The following UCK2 variants were observed in gnomAD, a reference collection of about 807,000 sequenced individuals.
UCK2 encodes the protein uridine-cytidine kinase 2.
UCK2 carries 6 observed loss-of-function variants against 30.8 expected under a neutral mutation model. That is an observed-to-expected ratio of 0.19 (90% CI 0.11 to 0.38). UCK2 has a LOEUF of 0.38. Ranked by LOEUF, UCK2 falls within the 10% of genes least tolerant of loss-of-function variation. UCK2 has a pLI of 1.00. For missense variants in UCK2, 210 were observed against 339.8 expected, an observed-to-expected ratio of 0.62 and a Z score of 3.00; for synonymous variants, 125 against 133.6, an observed-to-expected ratio of 0.94 and a Z score of 0.45.
chr1:165,896,045 A>G (rs1647225603), intron 3 of UCK2, 145 bp from the exon 4 acceptor site: 2 of 1,046,100 alleles, frequency 1.9e-6, no homozygotes, highest in East Asian at 2.4e-5. Context: ...CTGTAAGACC[A>G]TATTAGCCAA....
intron 1 of UCK2, among the ~76,000 whole-genome samples, chr1:165,830,758 G>T (rs1654027940): frequency 6.6e-6 from 1 of 152,238 alleles, no homozygotes; most frequent in South Asian, 2.1e-4. Flanking sequence ...CCAAGACTGG[G>T]CCTGGTGGCT....
At chr1:165,867,775 A>G (rs1316952350) in intron 1 of UCK2, among the ~76,000 whole-genome samples, 1 of 152,176 alleles carries the variant, frequency 6.6e-6, no homozygotes, top group Non-Finnish European at 1.5e-5. Flanking sequence ...GAACCCCTCA[A>G]CATCATGCAT....
At chr1:165,906,059 C>T (rs1647648656) in intron 6 of UCK2, 90 bp downstream of exon 6, 1 of 1,247,838 alleles carries the variant, frequency 8.0e-7, no homozygotes, top group Non-Finnish European at 1.2e-6. Flanking sequence ...CTACAGGGCT[C>T]TGCAGACATG....
chr1:165,853,498 A>C (rs1379744642), intron 1 of UCK2, among the ~76,000 whole-genome samples: 1 of 151,750 alleles, frequency 6.6e-6, no homozygotes, highest in Non-Finnish European at 1.5e-5. Flanking sequence ...CCCCGCTCCA[A>C]CCAGGTGTTT....
intron 1 of UCK2, among the ~76,000 whole-genome samples, chr1:165,834,016 T>C (rs953798661): frequency 1.3e-5 from 2 of 152,168 alleles, no homozygotes; most frequent in Non-Finnish European, 2.9e-5. Context: ...TCTTTAATGG[T>C]ATAAAATCTT....
intron 1 of UCK2, among the ~76,000 whole-genome samples, chr1:165,887,658 A>G (rs1178616060): frequency 6.6e-6 from 1 of 152,076 alleles, no homozygotes; most frequent in Non-Finnish European, 1.5e-5. Flanking sequence ...TTATCTTCCT[A>G]CAACCTTAGG....
Position 165,891,427 on chromosome 1 carries a change from C to T in UCK2, c.356+105C>T. 2.1e-6 allele frequency: 2 copies of T among 959,982 alleles called. 1 individual carries two copies. The highest frequency in any genetic ancestry group is 2.9e-5 in the South Asian group (2 of 67,880). 59.5% of individuals were successfully genotyped at this position (959,982 alleles called of 1,614,324 possible). ...TACCTCTCGCACTTCAGACCTCTGT[C>T]CTACCCCTGCCTAATGCCATTCCAG... On this transcript the variant is annotated intron_variant, in intron 3 of 6. Transcript: ENST00000367879.
At chr1:165,861,544 C>T (rs975210273) in intron 1 of UCK2, among the ~76,000 whole-genome samples, 1 of 125,820 alleles carries the variant, frequency 7.9e-6, no homozygotes, top group African/African-American at 3.1e-5. Context: ...AGGAGAATGG[C>T]GTGAACCCAG....
rs547366690 is a variant in UCK2, at chr1:165,827,819, G to A, written c.-15G>A. 14 of 1,416,608 alleles carry A rather than the reference G, an allele frequency of 9.9e-6. No homozygotes were observed. Among genetic ancestry groups the A allele is most frequent in the Non-Finnish European group, 1.3e-5 (14 of 1,075,134 alleles). The allele number at this position is 1,416,608 out of a possible 1,614,324, so 87.8% of individuals were successfully genotyped here. On this transcript the variant is annotated 5_prime_UTR_variant, in exon 1 of 7. Coordinates refer to ENST00000367879, the MANE Select transcript of UCK2 (RefSeq NM_012474.5). ...TCCGTTCGCACAGGCAGCGGGAGGAGGGGCGGCGCGAACCATGGCCGGGGA... is the reference window on the plus strand; with the variant it reads ...TCCGTTCGCACAGGCAGCGGGAGGAAGGGCGGCGCGAACCATGGCCGGGGA...
chr1:165,828,226 G>A (rs1028015717), intron 1 of UCK2, among the ~76,000 whole-genome samples: 1 of 152,170 alleles, frequency 6.6e-6, no homozygotes, highest in Non-Finnish European at 1.5e-5. Flanking sequence ...GGGGTCCTAT[G>A]GGGGAAGGGC....
intron 1 of UCK2, among the ~76,000 whole-genome samples, chr1:165,851,808 G>C (rs1176858103): frequency 6.6e-6 from 1 of 152,072 alleles, no homozygotes; most frequent in African/African-American, 2.4e-5. Context: ...GGTTCTCGTT[G>C]TTCAACTTGC....
intron 1 of UCK2, among the ~76,000 whole-genome samples, chr1:165,839,165 T>A (rs1339270543): frequency 6.6e-6 from 1 of 152,234 alleles, no homozygotes; most frequent in Admixed American, 6.5e-5. Context: ...ATGCTTTTTT[T>A]TTGATTGAGG....
chr1:165,879,012 A>G (rs1032359584), intron 1 of UCK2, among the ~76,000 whole-genome samples: 3 of 152,176 alleles, frequency 2.0e-5, no homozygotes, highest in Admixed American at 1.3e-4. Flanking sequence ...TGGCCATTTT[A>G]ATAGGTATGT....
intron 1 of UCK2, among the ~76,000 whole-genome samples, chr1:165,830,247 G>T (rs1041510811): frequency 3.3e-5 from 5 of 151,094 alleles, no homozygotes; most frequent in African/African-American, 1.2e-4. Context: ...TAAGTGATCC[G>T]CCCGCCTCTG....
intron 1 of UCK2, among the ~76,000 whole-genome samples, chr1:165,844,482 C>T (rs887914162): frequency 6.6e-6 from 1 of 152,280 alleles, no homozygotes; most frequent in Middle Eastern, 3.4e-3. Context: ...CACCCTCAAA[C>T]CTTTGTAATT....
chr1:165,839,208 C>T (rs1654267892), intron 1 of UCK2, among the ~76,000 whole-genome samples: 1 of 152,034 alleles, frequency 6.6e-6, no homozygotes, highest in Admixed American at 6.6e-5. Flanking sequence ...TCAATGGCTA[C>T]ATTTTTCTCT....
At chr1:165,846,727 G>C (rs1316109322) in intron 1 of UCK2, among the ~76,000 whole-genome samples, 1 of 152,206 alleles carries the variant, frequency 6.6e-6, no homozygotes, top group Non-Finnish European at 1.5e-5. Context: ...TCTTTGTCAA[G>C]TTGGCAACAA....
At chr1:165,832,604 G>A (rs1488763659) in intron 1 of UCK2, among the ~76,000 whole-genome samples, 1 of 151,884 alleles carries the variant, frequency 6.6e-6, no homozygotes, top group Admixed American at 6.6e-5. Flanking sequence ...TAGGATCTAG[G>A]GTTTTATTTT....
At chr1:165,871,277 G>A (rs1196664031) in intron 1 of UCK2, among the ~76,000 whole-genome samples, 4 of 152,180 alleles carry the variant, frequency 2.6e-5, no homozygotes, top group Non-Finnish European at 1.5e-5. Flanking sequence ...TATACCTCGT[G>A]TTTTAAAGAA....
Sources: gnomAD v4.1 joint callset for allele counts (sites outside exome capture counted in the v4.1 genomes callset) on GRCh38, gnomAD v4.1.1 for gene constraint, MANE v1.5 for transcripts, NCBI Gene and HGNC (gene_info 2026-07-23, HGNC 2026-07-21) for gene names.